The following ZNF608 variants were observed in gnomAD, a reference collection of about 807,000 sequenced individuals.
The protein encoded by ZNF608 is zinc finger protein 608.
In ZNF608, 12 loss-of-function variants were observed where a neutral mutation model predicts 109.0. The ratio of observed to expected loss-of-function variants is 0.11; its 90% confidence interval spans 0.07 to 0.18. ZNF608 has a LOEUF of 0.18. ZNF608 is among the 10% of genes least tolerant of loss of function. The pLI is 1.00. For synonymous variants in ZNF608, 732 were observed against 717.4 expected (o/e 1.02, Z -0.33); for missense variants, 1,707 against 1,879.3 (o/e 0.91, Z 1.70).
chr5:124,705,126 A>G (rs921213766), intron 2 of ZNF608, among the ~76,000 whole-genome samples: 14 of 152,210 alleles, frequency 9.2e-5, no homozygotes, highest in Admixed American at 6.5e-5. Context: ...TTTGCCTTAT[A>G]CAAAAGATCA....
rs753991736 is a variant in ZNF608, at chr5:124,648,987, T to C, written c.1397A>G (p.Asn466Ser). The change falls in exon 5 of 10, where the codon AAT (asparagine) becomes AGT (serine). Residue 466 changes from asparagine to serine, a missense_variant. Asn to Ser is a conservative substitution (Grantham distance 46, BLOSUM62 1). Coordinates refer to ENST00000513986, the MANE Select transcript of ZNF608 (RefSeq NM_020747.3). ...GAGGCTGCCCCGCCTCCCTTTCCCA[T>C]TGGCCCCCCCTCTGTTCTTATTCTG... ...GLQNKNRGGANGKGRRGSLNA... is the reference protein window; with the variant it reads ...GLQNKNRGGASGKGRRGSLNA... The C allele has an allele frequency of 6.8e-6, 11 of 1,614,072 alleles. No homozygotes were observed. In the South Asian group the frequency reaches 1.1e-4, roughly 16 times the overall value.
chr5:124,681,475 GA>G (rs1277894896), intron 3 of ZNF608, among the ~76,000 whole-genome samples: 1 of 151,558 alleles, frequency 6.6e-6, no homozygotes, highest in Non-Finnish European at 1.5e-5. Flanking sequence ...GAAAAGAAAA[GA>G]AAAAAAGAAT....
At chr5:124,692,749 G>T (rs755977517) in intron 3 of ZNF608, among the ~76,000 whole-genome samples, 1 of 152,168 alleles carries the variant, frequency 6.6e-6, no homozygotes, top group African/African-American at 2.4e-5. Flanking sequence ...CAGGTGTGCT[G>T]CCTGGCACAG....
rs777490717 is a variant in ZNF608 at position 124,646,664 on chromosome 5, G to A, written c.3705+15C>T. ...ACTGCTCTCTCCCTGTTGGGGCCAC[G>A]CTCCACAATCTTACTTGTTTAAATC... On this transcript the variant is annotated intron_variant, in intron 5 of 9. Coordinates refer to ENST00000513986, the MANE Select transcript of ZNF608 (RefSeq NM_020747.3). 8 of 1,600,698 alleles carry A rather than the reference G, an allele frequency of 5.0e-6. No homozygotes were observed. The highest frequency in any genetic ancestry group is 1.8e-4 in the Middle Eastern group (1 of 5,620).
chr5:124,644,387 C>T lies in ZNF608; in HGVS notation c.3980G>A (p.Gly1327Glu). ...KTPVNWKDSR[G>E]TRVAVSSPMS... ...GGGTGAGGAGACAGCCACTCTTGTT[C>T]CCCGAGAGTCCTTCCAGTTCACAGG... Residue 1327 changes from glycine (G) to glutamate (E), a missense_variant, in exon 6 of 10, where the codon GGA becomes GAA. Coordinates refer to ENST00000513986, the MANE Select transcript of ZNF608 (RefSeq NM_020747.3). 6.2e-7 allele frequency: 1 copy of T among 1,614,120 alleles called. No homozygotes were observed. The highest frequency in any genetic ancestry group is 2.2e-5 in the East Asian group (1 of 44,878).
intron 2 of ZNF608, among the ~76,000 whole-genome samples, chr5:124,743,792 A>G (rs1749520898): frequency 6.6e-6 from 1 of 152,214 alleles, no homozygotes. Context: ...ACCGATCTAC[A>G]GGGCAAAAGG....
At chr5:124,745,396 T>G (rs908694882) in intron 1 of ZNF608, 5 of 166,590 alleles carry the variant, frequency 3.0e-5, no homozygotes, top group Non-Finnish European at 6.3e-5. Context: ...GAAAATCCCT[T>G]TATCAACAAC....
chr5:124,654,136 G>T (rs1031356479), intron 3 of ZNF608, among the ~76,000 whole-genome samples: 3 of 151,972 alleles, frequency 2.0e-5, no homozygotes, highest in African/African-American at 7.3e-5. Context: ...TTTCATCCAG[G>T]CAAGGATAAT....
chr5:124,708,566 C>T (rs1753354085), intron 2 of ZNF608: 1 of 371,724 alleles, frequency 2.7e-6, no homozygotes, highest in Admixed American at 3.2e-5. Flanking sequence ...GCAAATAATA[C>T]AATCCCTTCA....
rs1301146009 is a variant in ZNF608 at position 124,647,726 on chromosome 5, A to G, written c.2658T>C (p.Val886=). Residue 886 remains valine (V), a synonymous_variant, in exon 5 of 10, where the codon GTT becomes GTC. Coordinates refer to ENST00000513986, the MANE Select transcript of ZNF608 (RefSeq NM_020747.3). The part of the protein sequence containing the change: ...MASIKAEADK[V]YTFTDNAPSP... Reference sequence around the variant, plus strand: ...TGGGAGCGTTGTCTGTGAAAGTGTAAACCTTATCGGCCTCAGCTTTGATAC... The same window carrying G: ...TGGGAGCGTTGTCTGTGAAAGTGTAGACCTTATCGGCCTCAGCTTTGATAC... 1 of 1,614,102 alleles carries G rather than the reference A, an allele frequency of 6.2e-7. No individual in the cohort carries two copies. The highest frequency in any genetic ancestry group is 1.7e-5 in the Admixed American group (1 of 60,024).
chr5:124,730,718 C>T (rs1055868228), intron 2 of ZNF608, among the ~76,000 whole-genome samples: 1 of 152,124 alleles, frequency 6.6e-6, no homozygotes, highest in African/African-American at 2.4e-5. Flanking sequence ...AAAGGATCCA[C>T]GTCTGTAGTA....
At chr5:124,724,832 C>A (rs1251917556) in intron 2 of ZNF608, among the ~76,000 whole-genome samples, 1 of 152,084 alleles carries the variant, frequency 6.6e-6, no homozygotes, top group East Asian at 1.9e-4. Flanking sequence ...AGAATGAAAT[C>A]AAAAGCCAGA....
intron 2 of ZNF608, among the ~76,000 whole-genome samples, chr5:124,737,374 A>T (rs1749200077): frequency 6.6e-6 from 1 of 152,202 alleles, no homozygotes; most frequent in Non-Finnish European, 1.5e-5. Context: ...ACAGTGAATG[A>T]TATTCAAACT....
intron 3 of ZNF608, among the ~76,000 whole-genome samples, chr5:124,651,358 C>T (rs1750764223): frequency 6.6e-6 from 1 of 152,168 alleles, no homozygotes; most frequent in Non-Finnish European, 1.5e-5. Flanking sequence ...GAAGACTGAG[C>T]TGGTTTTCTC....
chr5:124,745,201 T>C, intron 1 of ZNF608, 29 bp from the exon 2 acceptor site: 2 of 1,401,598 alleles, frequency 1.4e-6, no homozygotes, highest in South Asian at 1.7e-5. Flanking sequence ...AAGTCGAATA[T>C]TTCTTGTCTG....
At position 124,643,631 on chromosome 5, in the gene ZNF608, C is replaced by G. The variant is rs775656486; in HGVS notation, c.4176G>C (p.Gly1392=). The G allele has an allele frequency of 5.0e-6, 8 of 1,614,166 alleles. No individual in the cohort carries two copies. The highest frequency in any genetic ancestry group is 6.8e-6 in the Non-Finnish European group (8 of 1,180,030). Residue 1392 remains glycine, a synonymous_variant, in exon 7 of 10, where the codon GGG becomes GGC. Transcript: ENST00000513986. The part of the protein sequence containing the change: ...FHYPVYGKMS[G]REETEKVNTS... ...TATTGACTTTCTCTGTCTCTTCTCT[C>G]CCTGACATCTTCCCATAAACAGGAT...
At chr5:124,694,184 C>T (rs1752747617) in intron 3 of ZNF608, among the ~76,000 whole-genome samples, 1 of 106,356 alleles carries the variant, frequency 9.4e-6, no homozygotes, top group African/African-American at 3.5e-5. Context: ...TTAGTAGAGA[C>T]GGGGTTTCAC....
chr5:124,641,180 G>A, intron 8 of ZNF608, 72 bp downstream of exon 8: 1 of 1,592,494 alleles, frequency 6.3e-7, no homozygotes, highest in Non-Finnish European at 8.6e-7. Context: ...TTTTTAAGAT[G>A]TGAAATGCAA....
chr5:124,710,525 C>T (rs372063880), intron 2 of ZNF608: 22 of 243,986 alleles, frequency 9.0e-5, no homozygotes, highest in East Asian at 2.1e-4. Flanking sequence ...CATCGTGGGT[C>T]GGCTACAGAA....
Sources: allele counts gnomAD v4.1 joint callset (sites outside exome capture counted in the v4.1 genomes callset), GRCh38; gene constraint gnomAD v4.1.1; transcripts MANE v1.5; gene names NCBI Gene and HGNC (gene_info 2026-07-23, HGNC 2026-07-21).